SAMD4A: variants seen among roughly 807,000 people sequenced by gnomAD.
SAMD4A encodes the protein protein Smaug homolog 1.
Under a neutral mutation model 81.3 loss-of-function variants are expected in SAMD4A, and 33 were observed. The ratio of observed to expected loss-of-function variants is 0.41; its 90% CI spans 0.31 to 0.54. The LOEUF is 0.54. Ranked by LOEUF, SAMD4A falls within the 20% of genes least tolerant of loss-of-function variation. The pLI, the probability that SAMD4A is intolerant of heterozygous loss-of-function variation, is 0.37. For synonymous variants in SAMD4A, 389 were observed against 382.1 expected (o/e 1.02, Z -0.21); for missense variants, 854 against 951.1 (o/e 0.90, Z 1.34).
At chr14:54,656,591 A>T (rs577117733) in intron 2 of SAMD4A, among the ~76,000 whole-genome samples, 2 of 152,316 alleles carry the variant, frequency 1.3e-5, no homozygotes, top group South Asian at 2.1e-4. Context: ...TGCACAAATA[A>T]TAGTAAAGCT....
intron 2 of SAMD4A, among the ~76,000 whole-genome samples, chr14:54,648,814 A>G (rs1287467734): frequency 6.6e-6 from 1 of 152,148 alleles, no homozygotes; most frequent in Non-Finnish European, 1.5e-5. Flanking sequence ...CTTGAAAATG[A>G]CCACTCTGAA....
chr14:54,674,851 T>C (rs1454637696), intron 2 of SAMD4A, among the ~76,000 whole-genome samples: 3 of 152,176 alleles, frequency 2.0e-5, no homozygotes, highest in Non-Finnish European at 4.4e-5. Flanking sequence ...GGAAATCAAG[T>C]GATCCTCCCA....
At chr14:54,653,646 T>C (rs1183672631) in intron 2 of SAMD4A, among the ~76,000 whole-genome samples, 1 of 152,096 alleles carries the variant, frequency 6.6e-6, no homozygotes, top group Non-Finnish European at 1.5e-5. Context: ...AGCCTCTCAA[T>C]ATTGTTTTTC....
intron 3 of SAMD4A, 194 bp downstream of exon 3, chr14:54,702,774 G>T: frequency 1.5e-6 from 1 of 649,662 alleles, no homozygotes; most frequent in Non-Finnish European, 2.6e-6. Context: ...AAAATACTTG[G>T]GAAGGTAAAA....
At chr14:54,728,300 G>T (rs535573595) in intron 3 of SAMD4A, among the ~76,000 whole-genome samples, 1 of 152,290 alleles carries the variant, frequency 6.6e-6, no homozygotes, top group African/African-American at 2.4e-5. Flanking sequence ...TACAAACACA[G>T]TACCAATCTC....
chr14:54,723,986 A>C (rs2037329478), intron 3 of SAMD4A, among the ~76,000 whole-genome samples: 1 of 138,470 alleles, frequency 7.2e-6, no homozygotes, highest in Non-Finnish European at 1.6e-5. Context: ...ATGCTCAGCA[A>C]ATATTGGATG....
intron 4 of SAMD4A, among the ~76,000 whole-genome samples, chr14:54,746,509 G>A (rs1036995826): frequency 1.3e-5 from 2 of 152,188 alleles, no homozygotes; most frequent in Non-Finnish European, 2.9e-5. Context: ...TCTAACCAGG[G>A]CAATTCTAAC....
At chr14:54,691,904 T>G (rs1168563831) in intron 2 of SAMD4A, among the ~76,000 whole-genome samples, 1 of 152,250 alleles carries the variant, frequency 6.6e-6, no homozygotes, top group African/African-American at 2.4e-5. Flanking sequence ...TCCACAAAAT[T>G]GTTCATTCTG....
At chr14:54,755,389 C>T (rs2038211874) in intron 6 of SAMD4A, among the ~76,000 whole-genome samples, 1 of 152,092 alleles carries the variant, frequency 6.6e-6, no homozygotes, top group South Asian at 2.1e-4. Flanking sequence ...TTGAAAGGAC[C>T]AGTTGTGCAT....
At chr14:54,770,858 G>T (rs2038684857) in intron 9 of SAMD4A, among the ~76,000 whole-genome samples, 1 of 152,150 alleles carries the variant, frequency 6.6e-6, no homozygotes, top group South Asian at 2.1e-4. Context: ...GTGACAATTT[G>T]TGGGAGAAAT....
chr14:54,692,612 G>A (rs1287692287), intron 2 of SAMD4A, among the ~76,000 whole-genome samples: 3 of 152,140 alleles, frequency 2.0e-5, no homozygotes, highest in Admixed American at 6.5e-5. Context: ...CTATTGGAGT[G>A]TCACTCTGTG....
chr14:54,602,791 T>A (rs2034094160), intron 2 of SAMD4A, among the ~76,000 whole-genome samples: 1 of 77,918 alleles, frequency 1.3e-5, no homozygotes, highest in South Asian at 3.8e-4. Flanking sequence ...GAACTTAAAG[T>A]ATAATTAAAA....
chr14:54,685,804 G>A, intron 2 of SAMD4A: 2 of 456,710 alleles, frequency 4.4e-6, no homozygotes, highest in Non-Finnish European at 8.8e-6. Flanking sequence ...TGATTTTCAG[G>A]CAGATTGAGG....
chr14:54,616,109 T>G (rs1363393033), intron 2 of SAMD4A, among the ~76,000 whole-genome samples: 1 of 152,190 alleles, frequency 6.6e-6, no homozygotes, highest in Non-Finnish European at 1.5e-5. Flanking sequence ...GCAAATAGCT[T>G]CCTCTATTTA....
chr14:54,592,374 T>G (rs1013546252), intron 2 of SAMD4A, among the ~76,000 whole-genome samples: 5 of 152,242 alleles, frequency 3.3e-5, no homozygotes, highest in African/African-American at 1.2e-4. Flanking sequence ...TTTCTTCTCC[T>G]CTTTCCTTCC....
At chr14:54,697,348 C>T (rs749638613) in intron 2 of SAMD4A, among the ~76,000 whole-genome samples, 31 of 152,208 alleles carry the variant, frequency 2.0e-4, no homozygotes, top group Admixed American at 2.0e-3. Context: ...AATCAGCACA[C>T]ATTGTCCTTG....
At chr14:54,771,519 T>C (rs1033870526) in intron 9 of SAMD4A, among the ~76,000 whole-genome samples, 1 of 152,184 alleles carries the variant, frequency 6.6e-6, no homozygotes, top group Non-Finnish European at 1.5e-5. Context: ...ACCAGTTCCC[T>C]GGCCCCAAGC....
intron 2 of SAMD4A, among the ~76,000 whole-genome samples, chr14:54,684,316 G>T (rs2036198969): frequency 6.6e-6 from 1 of 152,180 alleles, no homozygotes; most frequent in African/African-American, 2.4e-5. Context: ...TCAGGAAATG[G>T]ATTACTCACT....
In SAMD4A at chr14:54,598,454, C is replaced by T. The variant is rs368774735; in HGVS notation, c.196+30342C>T. ...TTTAATAACTGTGTAATAGCTAATC[C>T]TATGAACACATCATACTTGGTAGAT... is the stretch of plus-strand genomic sequence containing the variant. On this transcript the variant is annotated intron_variant, in intron 2 of 12. Transcript: ENST00000554335. 1.1e-4 allele frequency among the ~76,000 whole-genome samples: 17 copies of T among 152,222 alleles called. No individual in the cohort carries two copies. The East Asian group carries it at 2.7e-3, about 24-fold the overall frequency.
Sources: gnomAD v4.1 joint callset for allele counts (sites outside exome capture counted in the v4.1 genomes callset) on GRCh38, gnomAD v4.1.1 for gene constraint, MANE v1.5 for transcripts, NCBI Gene and HGNC (gene_info 2026-07-23, HGNC 2026-07-21) for gene names.